Variants in DAP observed in about 807,000 individuals in gnomAD.
DAP encodes death-associated protein 1.
DAP carries 8 observed loss-of-function variants against 13.8 expected under a neutral mutation model. The observed-to-expected ratio is 0.58, with a 90% confidence interval of 0.34 to 1.05. The LOEUF is 1.05. Ranked by LOEUF, DAP falls within the 50% of genes least tolerant of loss-of-function variation. The probability of loss-of-function intolerance (pLI) is 0.03; values close to 1 mark genes in which losing one functional copy is unlikely to be tolerated. For synonymous variants in DAP, 47 were observed against 47.5 expected (o/e 0.99, Z 0.04); for missense variants, 106 against 133.2 (o/e 0.80, Z 1.01).
chr5:10,679,961 T>C lies in DAP; in HGVS notation c.*1095A>G, dbSNP rs1561002195. On this transcript the variant is annotated 3_prime_UTR_variant, in exon 4 of 4. Coordinates refer to ENST00000230895, the MANE Select transcript of DAP (RefSeq NM_004394.3). ...CCTCTGGCTTTTCGAGGACGCAGGG[T>C]ACCCTACTGCCACCAGCCAGTGAGC... 6.6e-6 allele frequency: 1 copy of C among 152,348 alleles called. No homozygotes were observed. The highest frequency in any genetic ancestry group is 1.5e-5 in the Non-Finnish European group (1 of 68,076). 9.4% of individuals were successfully genotyped at this position (152,348 alleles called of 1,614,324 possible).
intron 2 of DAP, among the ~76,000 whole-genome samples, chr5:10,727,156 A>G (rs781175090): frequency 5.9e-5 from 9 of 152,214 alleles, no homozygotes; most frequent in Non-Finnish European, 1.3e-4. Context: ...GAGGACCTGG[A>G]CTGTGCAGAA....
chr5:10,735,630 G>GA (rs898635714), intron 2 of DAP, among the ~76,000 whole-genome samples: 2 of 152,174 alleles, frequency 1.3e-5, no homozygotes, highest in African/African-American at 4.8e-5. Context: ...CTTAATTGAT[G>GA]GAGTGTGTGA....
rs1484232456 is a variant in DAP at position 10,733,166 on chromosome 5, G to A, written c.152+15009C>T. Among the ~76,000 whole-genome samples the A allele has an allele frequency of 2.1e-4, 15 of 71,688 alleles. No individual in the cohort carries two copies. In the South Asian group the frequency reaches 8.4e-3, roughly 40 times the overall value. 47.0% of individuals were successfully genotyped at this position (71,688 alleles called of 152,430 possible). On this transcript the variant is annotated intron_variant, in intron 2 of 3. Transcript: ENST00000230895. The stretch of plus-strand genomic sequence containing the variant: ...GAATAATATTCCTGCGTGTGTGTGT[G>A]TGTGTGTGTGTGTGTGTGTGTGTGT...
At chr5:10,731,767 T>TA (rs1361456580) in intron 2 of DAP, among the ~76,000 whole-genome samples, 2 of 152,216 alleles carry the variant, frequency 1.3e-5, no homozygotes, top group Admixed American at 6.5e-5. Flanking sequence ...TACTTGCTCC[T>TA]AAAAAGAGAT....
Position 10,755,695 on chromosome 5 carries a change from T to C in DAP, c.55+5319A>G, listed in dbSNP as rs558467417. 5.3e-5 allele frequency among the ~76,000 whole-genome samples: 8 copies of C among 152,326 alleles called. No homozygotes were observed. The South Asian group carries it at 1.5e-3, about 28-fold the overall frequency. ...GAAGTACCATTCTCTATACCTAATATAGTACTTTATACAAAAGTGAACATT... is the reference window on the plus strand; with the variant it reads ...GAAGTACCATTCTCTATACCTAATACAGTACTTTATACAAAAGTGAACATT... On this transcript the variant is annotated intron_variant, in intron 1 of 3. Transcript: ENST00000230895.
chr5:10,727,503 C>A (rs1274670422), intron 2 of DAP, among the ~76,000 whole-genome samples: 1 of 152,164 alleles, frequency 6.6e-6, no homozygotes, highest in East Asian at 1.9e-4. Context: ...ATGGGGCCTG[C>A]TGCCTTGCTC....
rs539257063 is a variant in DAP at position 10,747,742 on chromosome 5, A to T, written c.152+433T>A. Among the ~76,000 whole-genome samples, 3 of 152,372 alleles carry T rather than the reference A, an allele frequency of 2.0e-5. No individual in the cohort carries two copies. The South Asian group carries it at 6.2e-4, about 32-fold the overall frequency. On this transcript the variant is annotated intron_variant, in intron 2 of 3. Transcript: ENST00000230895. ...CCTACTTCGTCCACTCTGGTGGTCC[A>T]GCCTTGGGAAGAGGGTGGCTGGCAG...
intron 2 of DAP, among the ~76,000 whole-genome samples, chr5:10,699,509 G>GAA (rs891773532): frequency 1.3e-5 from 2 of 152,240 alleles, no homozygotes; most frequent in Admixed American, 1.3e-4. Context: ...AAGCTAATGC[G>GAA]AAAGCAGGTC....
Position 10,757,662 on chromosome 5 carries a change from G to C in DAP, c.55+3352C>G, listed in dbSNP as rs760191236. 1.1e-4 allele frequency among the ~76,000 whole-genome samples: 17 copies of C among 152,224 alleles called. 1 individual carries two copies. Among genetic ancestry groups the C allele is most frequent in the Non-Finnish European group, 2.9e-5 (2 of 68,036 alleles). On this transcript the variant is annotated intron_variant, in intron 1 of 3. Transcript: ENST00000230895. The stretch of plus-strand genomic sequence containing the variant: ...ATGAGTTAAACGTGCCAAGCGCTTA[G>C]AAGTGTGTCAGCACATTGTGACACT...
At chr5:10,681,575 T>C (rs1251738841) in intron 3 of DAP, among the ~76,000 whole-genome samples, 1 of 148,910 alleles carries the variant, frequency 6.7e-6, no homozygotes, top group African/African-American at 2.5e-5. Flanking sequence ...ATGGTGTTTG[T>C]GGGTGAGGAA....
At chr5:10,736,006 C>A (rs979527922) in intron 2 of DAP, among the ~76,000 whole-genome samples, 2 of 152,112 alleles carry the variant, frequency 1.3e-5, no homozygotes, top group Non-Finnish European at 2.9e-5. Flanking sequence ...GAAGGGTAGG[C>A]CCCTAATGCA....
At chr5:10,697,037 A>T (rs1477730736) in intron 2 of DAP, among the ~76,000 whole-genome samples, 2 of 152,218 alleles carry the variant, frequency 1.3e-5, no homozygotes, top group African/African-American at 4.8e-5. Context: ...ATTAAGGGCA[A>T]GGGGCAAACT....
chr5:10,696,201 A>G (rs1342514675), intron 2 of DAP, among the ~76,000 whole-genome samples: 1 of 152,164 alleles, frequency 6.6e-6, no homozygotes, highest in Non-Finnish European at 1.5e-5. Flanking sequence ...CCCTTCTCAC[A>G]TCTTATGGAT....
intron 1 of DAP, among the ~76,000 whole-genome samples, chr5:10,753,671 G>A (rs1740102532): frequency 6.6e-6 from 1 of 152,224 alleles, no homozygotes; most frequent in Non-Finnish European, 1.5e-5. Flanking sequence ...TGCTACTGCG[G>A]GAAGAAGAAA....
Position 10,720,169 on chromosome 5 carries a change from T to C in DAP, c.152+28006A>G, listed in dbSNP as rs144784585. 3.2e-3 allele frequency among the ~76,000 whole-genome samples: 484 copies of C among 152,312 alleles called. 2 individuals are homozygous for C. Among genetic ancestry groups the C allele is most frequent in the African/African-American group, 0.011 (445 of 41,574 alleles). On this transcript the variant is annotated intron_variant, in intron 2 of 3. Transcript: ENST00000230895. ...ACTTTATACATAATACCTTTGACCA[T>C]ATGGTCTGACCAAGGAGACCATGGG...
At chr5:10,696,861 T>A (rs1017691477) in intron 2 of DAP, among the ~76,000 whole-genome samples, 2 of 152,164 alleles carry the variant, frequency 1.3e-5, no homozygotes, top group East Asian at 3.9e-4. Flanking sequence ...TTCAGGGCAT[T>A]ACTATGAGAA....
rs1561002401 is a variant in DAP at position 10,680,374 on chromosome 5, CGTGCCGAGATCTCATGCCAGAA to C, written c.*660_*681del. ...TGGGCTGAGGCGATGCTGGGCTTGC[CGTGCCGAGATCTCATGCCAGAA>C]GTCCTCCCTCGGAGCTACCTGTCTC... On this transcript the variant is annotated 3_prime_UTR_variant, in exon 4 of 4. Transcript: ENST00000230895. 3.5e-6 allele frequency: 1 copy of C among 286,680 alleles called. No individual in the cohort carries two copies. The highest frequency in any genetic ancestry group is 6.6e-6 in the Non-Finnish European group (1 of 151,698). The allele number at this position is 286,680 out of a possible 1,614,324, so 17.8% of individuals were successfully genotyped here. A position where few individuals can be genotyped will look rare whatever the true frequency, so the allele number is the denominator to read the frequency against.
At chr5:10,714,359 T>C (rs1429154425) in intron 2 of DAP, among the ~76,000 whole-genome samples, 2 of 152,204 alleles carry the variant, frequency 1.3e-5, no homozygotes, top group African/African-American at 4.8e-5. Flanking sequence ...TTATATCACA[T>C]TCCTGTTGTT....
At chr5:10,711,056 C>T (rs1738836004) in intron 2 of DAP, among the ~76,000 whole-genome samples, 2 of 152,230 alleles carry the variant, frequency 1.3e-5, no homozygotes, top group African/African-American at 4.8e-5. Context: ...TTTAATTAAA[C>T]ATCAGTGAAT....
Sources: gnomAD v4.1 joint callset for allele counts (sites outside exome capture counted in the v4.1 genomes callset) on GRCh38, gnomAD v4.1.1 for gene constraint, MANE v1.5 for transcripts, NCBI Gene and HGNC (gene_info 2026-07-23, HGNC 2026-07-21) for gene names.